Variants in ZNF79 observed in about 807,000 individuals in gnomAD.
ZNF79 encodes ZNFpT7.
In ZNF79, 13 loss-of-function variants were observed where a neutral mutation model predicts 14.9. The ratio of observed to expected loss-of-function variants is 0.87; its 90% CI spans 0.57 to 1.38. The LOEUF (loss-of-function observed/expected upper bound fraction) is 1.38. Ranked by LOEUF, ZNF79 falls within the 40% of genes most tolerant of loss-of-function variation. The probability of loss-of-function intolerance (pLI) is 0.00; values close to 1 mark genes in which losing one functional copy is unlikely to be tolerated. For synonymous variants in ZNF79, 223 were observed against 235.1 expected (o/e 0.95, Z 0.47); for missense variants, 631 against 630.6 (o/e 1.00, Z -0.01).
chr9:127,433,509 C>T (rs1463872878), intron 2 of ZNF79, among the ~76,000 whole-genome samples: 1 of 152,158 alleles, frequency 6.6e-6, no homozygotes, highest in Non-Finnish European at 1.5e-5. Flanking sequence ...TGATTCATTT[C>T]TTCCCTTTCC....
At chr9:127,430,064 C>T (rs1482858415) in intron 2 of ZNF79, among the ~76,000 whole-genome samples, 1 of 152,144 alleles carries the variant, frequency 6.6e-6, no homozygotes, top group Non-Finnish European at 1.5e-5. Flanking sequence ...GATCTACCCG[C>T]CTCAGCCTCC....
In ZNF79 at chr9:127,444,282, A is replaced by C. The variant is rs375612906; in HGVS notation, c.582A>C (p.Ala194=). The C allele has an allele frequency of 2.4e-5, 38 of 1,614,100 alleles. No homozygotes were observed. Among genetic ancestry groups the C allele is most frequent in the Non-Finnish European group, 3.0e-5 (35 of 1,180,054 alleles). The change falls in exon 5 of 5, where the codon GCA becomes GCC. Residue 194 remains alanine (A), a synonymous_variant. Transcript: ENST00000342483. ...ILKPHRAKPY[A]CNECGKAFSY... ...AACCTCACAGAGCAAAACCATATGC[A>C]TGTAATGAATGTGGCAAAGCCTTCA...
intron 4 of ZNF79, among the ~76,000 whole-genome samples, chr9:127,442,401 CAAA>C (rs1176359188): frequency 4.6e-5 from 4 of 87,008 alleles, no homozygotes; most frequent in Admixed American, 1.2e-4. Flanking sequence ...AACTCCATCT[CAAA>C]AAAAAAAAAA....
Position 127,435,218 on chromosome 9 carries a change from T to C in ZNF79, c.232+2T>C, listed in dbSNP as rs779317521. ...AGTCCAGGAGCCTTGTCCTACTAGG[T>C]AAGGAAACTGTTTCTTTAAGATTTA... On this transcript the variant is annotated splice_donor_variant, in intron 3 of 4. Coordinates refer to ENST00000342483, the MANE Select transcript of ZNF79 (RefSeq NM_007135.3). LOFTEE classifies it high-confidence loss of function. The C allele has an allele frequency of 1.0e-5, 16 of 1,580,666 alleles. No homozygotes were observed. The South Asian group carries it at 1.9e-4, about 18-fold the overall frequency.
intron 3 of ZNF79, among the ~76,000 whole-genome samples, chr9:127,435,496 A>C (rs962053914): frequency 2.0e-5 from 3 of 152,088 alleles, no homozygotes; most frequent in African/African-American, 7.2e-5. Context: ...CCATCTTCCT[A>C]AATTGGGGAC....
chr9:127,441,561 G>A (rs6478784), intron 4 of ZNF79, among the ~76,000 whole-genome samples: 1 of 151,788 alleles, frequency 6.6e-6, no homozygotes, highest in African/African-American at 2.4e-5. Context: ...CCTGTAATCC[G>A]AGCACTTTGG....
intron 2 of ZNF79, 95 bp from the exon 3 acceptor site, chr9:127,434,995 A>G (rs1247197883): frequency 7.0e-7 from 1 of 1,421,938 alleles, no homozygotes; most frequent in Non-Finnish European, 9.4e-7. Context: ...CTTTTCAAAG[A>G]CTTTTCCAGC....
intron 2 of ZNF79, among the ~76,000 whole-genome samples, chr9:127,431,409 C>T (rs917211759): frequency 1.6e-4 from 25 of 152,070 alleles, no homozygotes; most frequent in Admixed American, 1.1e-3. Flanking sequence ...CCACCAGACC[C>T]GGCTAATTTT....
At chr9:127,428,773 G>A in intron 1 of ZNF79, 59 bp from the exon 2 acceptor site, 1 of 1,412,556 alleles carries the variant, frequency 7.1e-7, no homozygotes, top group South Asian at 1.5e-5. Context: ...TCTTCACAGT[G>A]AGAACTGGTG....
rs149124590 is a variant in ZNF79, at chr9:127,435,443, G to A, written c.232+227G>A. Among the ~76,000 whole-genome samples, 757 of 152,302 alleles carry A rather than the reference G, an allele frequency of 5.0e-3. 2 individuals carry two copies. The highest frequency in any genetic ancestry group is 8.6e-3 in the Non-Finnish European group (587 of 68,022). Reference sequence around the variant, plus strand: ...CCCATTCTCTCATTTCGCAGGAGGGGTGGGGTAACCCTCAGGTCATTTCCT... The same window carrying A: ...CCCATTCTCTCATTTCGCAGGAGGGATGGGGTAACCCTCAGGTCATTTCCT... On this transcript the variant is annotated intron_variant, in intron 3 of 4. Transcript: ENST00000342483.
chr9:127,444,176 C>T lies in ZNF79; in HGVS notation c.476C>T (p.Pro159Leu), dbSNP rs777436817. Reference sequence around the variant, plus strand: ...TTCAATCTGAGACCAGTCCTCTCTCCGCAACAGAGAGTGCCCGTGGAAGCG... The same window carrying T: ...TTCAATCTGAGACCAGTCCTCTCTCTGCAACAGAGAGTGCCCGTGGAAGCG... ...KSFNLRPVLSPQQRVPVEARP... is the reference protein window; with the variant it reads ...KSFNLRPVLSLQQRVPVEARP... Residue 159 changes from proline (P) to leucine (L), a missense_variant, in exon 5 of 5, where the codon CCG (proline) becomes CTG (leucine). Transcript: ENST00000342483. The T allele has an allele frequency of 5.0e-6, 8 of 1,613,874 alleles. No individual in the cohort carries two copies. Among genetic ancestry groups the T allele is most frequent in the East Asian group, 4.5e-5 (2 of 44,892 alleles).
intron 4 of ZNF79, among the ~76,000 whole-genome samples, chr9:127,439,221 C>T (rs1473902372): frequency 1.3e-5 from 2 of 151,754 alleles, no homozygotes; most frequent in South Asian, 2.1e-4. Flanking sequence ...CACACACACA[C>T]ATATACACGT....
At chr9:127,440,064 G>A (rs983806024) in intron 4 of ZNF79, among the ~76,000 whole-genome samples, 2 of 152,054 alleles carry the variant, frequency 1.3e-5, no homozygotes, top group African/African-American at 2.4e-5. Flanking sequence ...GGGTTTCACC[G>A]TGTTAGCCAG....
Position 127,435,924 on chromosome 9 carries a change from GC to G in ZNF79, c.251del (p.Pro84LeufsTer3). 1.2e-6 allele frequency: 2 copies of G among 1,614,136 alleles called. No individual in the cohort carries two copies. The highest frequency in any genetic ancestry group is 1.7e-6 in the Non-Finnish European group (2 of 1,180,022). ...LVLLGLPVSQ[P>X]GMNSQLEQRE... Reference sequence around the variant, plus strand: ...GTTGAATAGGACTTCCAGTTTCCCAGCCTGGCATGAACTCCCAGTTGGAACA... The same window carrying G: ...GTTGAATAGGACTTCCAGTTTCCCAGCTGGCATGAACTCCCAGTTGGAACA... On this transcript the variant is annotated frameshift_variant, in exon 4 of 5. Coordinates refer to ENST00000342483, the MANE Select transcript of ZNF79 (RefSeq NM_007135.3). LOFTEE classifies it high-confidence loss of function.
rs1361687425 is a variant in ZNF79, at chr9:127,444,866, A to G, written c.1166A>G (p.Tyr389Cys). 2 of 1,614,106 alleles carry G rather than the reference A, an allele frequency of 1.2e-6. No homozygotes were observed. The highest frequency in any genetic ancestry group is 1.7e-6 in the Non-Finnish European group (2 of 1,180,004). ...HQRTHTGEKP[Y>C]KCSECGKAFS... ...AGGACTCACACTGGGGAGAAACCCTACAAGTGCAGCGAGTGTGGGAAGGCC... is the reference window on the plus strand; with the variant it reads ...AGGACTCACACTGGGGAGAAACCCTGCAAGTGCAGCGAGTGTGGGAAGGCC... The change falls in exon 5 of 5, where the codon TAC becomes TGC. Residue 389 changes from tyrosine to cysteine, a missense_variant. Transcript: ENST00000342483.
chr9:127,436,061 A>G lies in ZNF79; in HGVS notation c.328+58A>G, dbSNP rs932569323. 10 of 1,425,628 alleles carry G rather than the reference A, an allele frequency of 7.0e-6. No homozygotes were observed. The African/African-American group carries it at 1.3e-4, about 18-fold the overall frequency. 88.3% of individuals were successfully genotyped at this position (1,425,628 alleles called of 1,614,324 possible). A position where few individuals can be genotyped will look rare whatever the true frequency, so the allele number is the denominator to read the frequency against. On this transcript the variant is annotated intron_variant, in intron 4 of 4. Transcript: ENST00000342483. ...TTGGGAGCAAAAGCGCCTTTAAATCACGCATGAGTGTATTTGATTATCATA... is the reference window on the plus strand; with the variant it reads ...TTGGGAGCAAAAGCGCCTTTAAATCGCGCATGAGTGTATTTGATTATCATA...
In ZNF79 at chr9:127,445,149, G is replaced by T. The variant is rs1834145667; in HGVS notation, c.1449G>T (p.Arg483=). ...YECSECGKAF[R]CSSAFVRHQR... ...GCAGCGAGTGTGGGAAGGCCTTCCG[G>T]TGCAGCTCTGCCTTCGTTAGACATC... Residue 483 remains arginine (R), a synonymous_variant, in exon 5 of 5, where the codon CGG becomes CGT. Transcript: ENST00000342483. 1 of 1,614,218 alleles carries T rather than the reference G, an allele frequency of 6.2e-7. No homozygotes were observed. The highest frequency in any genetic ancestry group is 8.5e-7 in the Non-Finnish European group (1 of 1,180,044).
intron 4 of ZNF79, among the ~76,000 whole-genome samples, chr9:127,436,351 G>A (rs997344011): frequency 8.5e-5 from 13 of 152,210 alleles, no homozygotes; most frequent in African/African-American, 3.1e-4. Flanking sequence ...AGTCATCTTT[G>A]CTGGCACATT....
intron 2 of ZNF79, among the ~76,000 whole-genome samples, chr9:127,431,757 C>T (rs942763633): frequency 3.3e-5 from 5 of 152,064 alleles, no homozygotes; most frequent in East Asian, 1.9e-4. Context: ...TAATTTTTGT[C>T]GATGGTGAAA....
Sources: gnomAD v4.1 joint callset for allele counts (sites outside exome capture counted in the v4.1 genomes callset) on GRCh38, gnomAD v4.1.1 for gene constraint, MANE v1.5 for transcripts, NCBI Gene and HGNC (gene_info 2026-07-23, HGNC 2026-07-21) for gene names.